LINGO2: variants seen among roughly 807,000 people sequenced by gnomAD.
LINGO2 encodes leucine rich repeat and Ig domain containing 2.
Under a neutral mutation model 30.6 loss-of-function variants are expected in LINGO2, and 14 were observed. The ratio of observed to expected loss-of-function variants is 0.46; its 90% CI spans 0.30 to 0.72. The LOEUF is 0.72. Ranked by LOEUF, LINGO2 falls within the 30% of genes least tolerant of loss-of-function variation. The pLI, the probability that LINGO2 is intolerant of heterozygous loss-of-function variation, is 0.07. For synonymous variants in LINGO2, 317 were observed against 288.5 expected, an observed-to-expected ratio of 1.10 and a Z score of -1.00; for missense variants, 729 against 751.7, an observed-to-expected ratio of 0.97 and a Z score of 0.35.
At chr9:28,365,188 G>A (rs1820612275) in intron 3 of LINGO2, among the ~76,000 whole-genome samples, 1 of 152,070 alleles carries the variant, frequency 6.6e-6, no homozygotes, top group African/African-American at 2.4e-5. Flanking sequence ...AGGGGAGAGA[G>A]TGGGAGAGGG....
At chr9:28,913,944 T>C in the LINGO2 span, among the ~76,000 whole-genome samples, 2 of 152,304 alleles carry the variant, frequency 1.3e-5, no homozygotes, top group Admixed American at 1.3e-4. Flanking sequence ...TACATGATAG[T>C]CACTATCATT....
At chr9:28,445,112 C>T (rs932888294) in intron 2 of LINGO2, among the ~76,000 whole-genome samples, 4 of 152,196 alleles carry the variant, frequency 2.6e-5, no homozygotes, top group Non-Finnish European at 5.9e-5. Context: ...AGAGCCTGTG[C>T]TCTTCACTAC....
the LINGO2 span, among the ~76,000 whole-genome samples, chr9:29,027,870 T>C: frequency 6.6e-6 from 1 of 152,200 alleles, no homozygotes; most frequent in Admixed American, 6.5e-5. Context: ...ATGGTAATTA[T>C]TGGCAATTAC....
intron 1 of LINGO2, among the ~76,000 whole-genome samples, chr9:28,511,552 G>A (rs1032611877): frequency 1.3e-5 from 2 of 152,168 alleles, no homozygotes; most frequent in African/African-American, 4.8e-5. Context: ...CACAGAACAG[G>A]TCATCCTATC....
At chr9:28,556,899 G>A (rs1452918253) in intron 1 of LINGO2, among the ~76,000 whole-genome samples, 2 of 152,102 alleles carry the variant, frequency 1.3e-5, no homozygotes, top group African/African-American at 4.8e-5. Flanking sequence ...AATGGGGAAA[G>A]GATTGCCTAT....
intron 4 of LINGO2, among the ~76,000 whole-genome samples, chr9:28,237,925 G>C (rs1268781227): frequency 6.6e-6 from 1 of 151,952 alleles, no homozygotes; most frequent in Admixed American, 6.6e-5. Context: ...TGAAAATAAA[G>C]AAATGGAAAA....
the LINGO2 span, among the ~76,000 whole-genome samples, chr9:29,142,925 G>A: frequency 6.6e-6 from 1 of 151,662 alleles, no homozygotes; most frequent in Non-Finnish European, 1.5e-5. Flanking sequence ...ACACAAAACT[G>A]GTATAACTAA....
the LINGO2 span, among the ~76,000 whole-genome samples, chr9:29,146,760 A>C: frequency 1.6e-4 from 24 of 152,318 alleles, no homozygotes; most frequent in South Asian, 3.9e-3. Flanking sequence ...TGGACTGTCA[A>C]AGTGGAGTAA....
chr9:28,054,588 A>T (rs1446425379), intron 4 of LINGO2, among the ~76,000 whole-genome samples: 2 of 152,142 alleles, frequency 1.3e-5, no homozygotes, highest in Non-Finnish European at 2.9e-5. Context: ...AAAACTTACA[A>T]CACTTGATCA....
At chr9:28,877,409 A>C in the LINGO2 span, among the ~76,000 whole-genome samples, 20,204 of 151,748 alleles carry the variant, frequency 0.13, 1,886 homozygotes, top group African/African-American at 0.27. Flanking sequence ...TCGTTAATCC[A>C]TCTTGAATTA....
rs535043979 is a variant in LINGO2 at position 28,148,283 on chromosome 9, G to A, written c.-86-135878C>T. ...CCTGTCTCCTGTGGTCTGGAGCCCC[G>A]CCTCAAGGAAGAAACCCATGCTGTC... is the stretch of plus-strand genomic sequence containing the variant. On this transcript the variant is annotated intron_variant, in intron 4 of 5. Transcript: ENST00000379992. This position sits in a 1 kb window ranked among gnomAD's most constrained non-coding sequence, Gnocchi z 5.1. 8.9e-5 allele frequency: 70 copies of A among 789,918 alleles called. No individual in the cohort carries two copies. Among genetic ancestry groups the A allele is most frequent in the Non-Finnish European group, 1.3e-4 (61 of 481,082 alleles). The allele number at this position is 789,918 out of a possible 1,614,324, so 48.9% of individuals were successfully genotyped here. A position where few individuals can be genotyped will look rare whatever the true frequency, so the allele number is the denominator to read the frequency against.
chr9:29,070,912 C>A, the LINGO2 span, among the ~76,000 whole-genome samples: 1 of 150,370 alleles, frequency 6.7e-6, no homozygotes, highest in African/African-American at 2.4e-5. Context: ...ATGGCTAGAA[C>A]CCCCTCTCCA....
intron 4 of LINGO2, among the ~76,000 whole-genome samples, chr9:28,140,915 ATACTTAATATAATCTT>A (rs1239971000): frequency 8.6e-5 from 13 of 150,762 alleles, no homozygotes; most frequent in African/African-American, 2.7e-4. Context: ...ATTCCGTAAT[ATACTTAATATAATCTT>A]TACTTAATAT....
the LINGO2 span, among the ~76,000 whole-genome samples, chr9:28,962,114 A>G: frequency 6.6e-6 from 1 of 152,222 alleles, no homozygotes; most frequent in African/African-American, 2.4e-5. Flanking sequence ...AATAAACACA[A>G]TACTGAAGGT....
At chr9:28,589,575 C>T (rs1483245153) in intron 1 of LINGO2, among the ~76,000 whole-genome samples, 1 of 152,010 alleles carries the variant, frequency 6.6e-6, no homozygotes, top group Non-Finnish European at 1.5e-5. Flanking sequence ...AATAAAATAC[C>T]TAGGAATCCA....
the LINGO2 span, among the ~76,000 whole-genome samples, chr9:29,098,464 CAT>C: frequency 6.7e-6 from 1 of 148,774 alleles, no homozygotes; most frequent in African/African-American, 2.5e-5. Flanking sequence ...CACACACACA[CAT>C]ATGCGCACAC....
chr9:28,895,569 C>A, the LINGO2 span, among the ~76,000 whole-genome samples: 1 of 152,114 alleles, frequency 6.6e-6, no homozygotes, highest in Non-Finnish European at 1.5e-5. Flanking sequence ...CCTTTGTCTT[C>A]CTTTACCTCC....
chr9:28,314,100 A>G (rs1824740457), intron 3 of LINGO2, among the ~76,000 whole-genome samples: 1 of 152,050 alleles, frequency 6.6e-6, no homozygotes, highest in South Asian at 2.1e-4. Context: ...TCGCCCGGCT[A>G]ATTTTTTGTA....
At chr9:28,137,638 G>T (rs940070535) in intron 4 of LINGO2, among the ~76,000 whole-genome samples, 30 of 151,866 alleles carry the variant, frequency 2.0e-4, no homozygotes, top group Admixed American at 1.8e-3. Context: ...ACATGAAAAA[G>T]TGAATATGTA....
Sources: gnomAD v4.1 joint callset for allele counts (sites outside exome capture counted in the v4.1 genomes callset) on GRCh38, gnomAD v4.1.1 for gene constraint, Gnocchi (gnomAD v3.1) non-coding constraint, MANE v1.5 for transcripts, NCBI Gene and HGNC (gene_info 2026-07-23, HGNC 2026-07-21) for gene names.